Variants in ENTREP2 observed in about 807,000 individuals in gnomAD.
ENTREP2 encodes the protein endosomal transmembrane epsin interactor 2, also known as protein ENTREP2.
the ENTREP2 span, among the ~76,000 whole-genome samples, chr15:29,258,010 G>A: frequency 1.3e-5 from 2 of 152,100 alleles, no homozygotes; most frequent in Admixed American, 6.5e-5. Context: ...AGGAGATCGA[G>A]ACCATCCTGG....
At chr15:29,262,631 T>C in the ENTREP2 span, among the ~76,000 whole-genome samples, 45 of 152,338 alleles carry the variant, frequency 3.0e-4, no homozygotes, top group African/African-American at 1.1e-3. Flanking sequence ...GCCCTATGCA[T>C]CTCTTCATCT....
the ENTREP2 span, among the ~76,000 whole-genome samples, chr15:29,597,421 A>C: frequency 6.6e-6 from 1 of 151,988 alleles, no homozygotes; most frequent in Non-Finnish European, 1.5e-5. Context: ...ATACAAAATT[A>C]GCCAGGCCTG....
At chr15:29,196,826 G>A in the ENTREP2 span, 1 of 375,696 alleles carries the variant, frequency 2.7e-6, no homozygotes, top group Non-Finnish European at 4.8e-6. Context: ...AAAATGGCAG[G>A]TGGATTACAA....
the ENTREP2 span, among the ~76,000 whole-genome samples, chr15:29,620,937 C>T: frequency 6.6e-6 from 1 of 152,108 alleles, no homozygotes; most frequent in Non-Finnish European, 1.5e-5. Flanking sequence ...AAAGATGCAG[C>T]CTGACCTCTG....
At chr15:29,656,713 C>G in the ENTREP2 span, among the ~76,000 whole-genome samples, 1 of 152,116 alleles carries the variant, frequency 6.6e-6, no homozygotes, top group Non-Finnish European at 1.5e-5. Context: ...CTCGCAAGGA[C>G]GTGGTGCAAC....
At chr15:29,575,734 A>T in the ENTREP2 span, among the ~76,000 whole-genome samples, 1 of 152,222 alleles carries the variant, frequency 6.6e-6, no homozygotes, top group African/African-American at 2.4e-5. Flanking sequence ...TCTGAAAAGG[A>T]AAACAATAAG....
At chr15:29,470,644 C>G in the ENTREP2 span, among the ~76,000 whole-genome samples, 1 of 151,824 alleles carries the variant, frequency 6.6e-6, no homozygotes, top group South Asian at 2.1e-4. Flanking sequence ...CTGACAAGCA[C>G]TGGCAGACAA....
chr15:29,128,055 G>C, the ENTREP2 span, among the ~76,000 whole-genome samples: 6 of 152,250 alleles, frequency 3.9e-5, no homozygotes, highest in African/African-American at 1.2e-4. Context: ...TGCTGAGTGA[G>C]TGTTCAGCAG....
At chr15:29,398,629 C>A in the ENTREP2 span, among the ~76,000 whole-genome samples, 1 of 152,164 alleles carries the variant, frequency 6.6e-6, no homozygotes, top group Non-Finnish European at 1.5e-5. Context: ...GAGGCTGAGG[C>A]AGGAGAATCA....
chr15:29,253,843 T>G, the ENTREP2 span, among the ~76,000 whole-genome samples: 4 of 152,308 alleles, frequency 2.6e-5, no homozygotes, highest in South Asian at 4.1e-4. Context: ...CTCTGTCATT[T>G]TTTCTTTATG....
the ENTREP2 span, among the ~76,000 whole-genome samples, chr15:29,542,651 A>C: frequency 6.6e-6 from 1 of 152,156 alleles, no homozygotes; most frequent in African/African-American, 2.4e-5. Context: ...ACGTACATTC[A>C]CATTGTTGTG....
the ENTREP2 span, among the ~76,000 whole-genome samples, chr15:29,625,538 T>A: frequency 6.6e-6 from 1 of 151,466 alleles, no homozygotes; most frequent in East Asian, 2.0e-4. Context: ...TAAGACTACA[T>A]GTACTTGCCA....
chr15:29,230,399 T>C, the ENTREP2 span, among the ~76,000 whole-genome samples: 2 of 152,206 alleles, frequency 1.3e-5, no homozygotes, highest in African/African-American at 4.8e-5. Context: ...ACAAATATTA[T>C]TTACCACATA....
At chr15:29,125,678 T>A in the ENTREP2 span, among the ~76,000 whole-genome samples, 1 of 152,154 alleles carries the variant, frequency 6.6e-6, no homozygotes, top group Non-Finnish European at 1.5e-5. Context: ...GAGGACTGGG[T>A]GTGAGTTCTC....
chr15:29,266,446 T>C, the ENTREP2 span: 2 of 152,224 alleles, frequency 1.3e-5, no homozygotes, highest in Non-Finnish European at 2.9e-5. Flanking sequence ...AACTCACACA[T>C]GTGCCTAAAG....
At chr15:29,654,415 T>C in the ENTREP2 span, among the ~76,000 whole-genome samples, 4 of 152,188 alleles carry the variant, frequency 2.6e-5, no homozygotes, top group African/African-American at 9.7e-5. Flanking sequence ...ACATTCATTG[T>C]ATACTGAAAG....
At chr15:29,486,443 C>CTT in the ENTREP2 span, among the ~76,000 whole-genome samples, 1 of 152,156 alleles carries the variant, frequency 6.6e-6, no homozygotes, top group Non-Finnish European at 1.5e-5. Context: ...GTAATCCCAG[C>CTT]ACTTTGGGAG....
chr15:29,136,238 G>T, the ENTREP2 span: 2 of 987,128 alleles, frequency 2.0e-6, no homozygotes, highest in Non-Finnish European at 2.8e-6. Flanking sequence ...GGCACAGGGC[G>T]CTCATGAGTG....
the ENTREP2 span, among the ~76,000 whole-genome samples, chr15:29,393,743 T>G: frequency 3.5e-4 from 28 of 80,042 alleles, no homozygotes; most frequent in South Asian, 8.3e-3. Flanking sequence ...TACTTTTATT[T>G]TTTTTTAAAT....
Sources: gnomAD v4.1 joint callset for allele counts (sites outside exome capture counted in the v4.1 genomes callset) on GRCh38, gnomAD v4.1.1 for gene constraint, MANE v1.5 for transcripts, NCBI Gene and HGNC (gene_info 2026-07-23, HGNC 2026-07-21) for gene names.